THNSL1: variants seen among roughly 807,000 people sequenced by gnomAD.
THNSL1 encodes the protein threonine synthase-like 1.
THNSL1 carries 48 observed loss-of-function variants against 50.4 expected under a neutral mutation model. The observed-to-expected ratio is 0.95, with a 90% CI of 0.76 to 1.21. The LOEUF (loss-of-function observed/expected upper bound fraction) is 1.21, where lower values mean the gene tolerates loss of function less well. Among genes scored for constraint, THNSL1 ranks in the 50% most tolerant of loss-of-function variants. THNSL1 has a pLI of 0.00. For synonymous variants in THNSL1, 309 were observed against 306.1 expected (o/e 1.01, Z -0.10); for missense variants, 896 against 871.7 (o/e 1.03, Z -0.35).
chr10:24,964,178 T>C, the THNSL1 span, among the ~76,000 whole-genome samples: 1 of 152,228 alleles, frequency 6.6e-6, no homozygotes, highest in African/African-American at 2.4e-5. Context: ...ATGTCCATGG[T>C]GGCTGGGGGT....
chr10:24,970,718 A>T, the THNSL1 span, among the ~76,000 whole-genome samples: 106 of 145,016 alleles, frequency 7.3e-4, no homozygotes, highest in Admixed American at 3.9e-3. Flanking sequence ...GTCTCTATTA[A>T]TAAAAAAAAA....
the THNSL1 span, among the ~76,000 whole-genome samples, chr10:24,957,464 A>ATGTT: frequency 0.017 from 2,525 of 150,694 alleles, 35 homozygotes; most frequent in African/African-American, 0.037. Context: ...TTTTGAGTTG[A>ATGTT]TGTTTGTTTG....
chr10:25,006,816 G>A, the THNSL1 span, among the ~76,000 whole-genome samples: 1 of 152,070 alleles, frequency 6.6e-6, no homozygotes, highest in Non-Finnish European at 1.5e-5. Flanking sequence ...TACGAGCTTT[G>A]GTATTAGATT....
At chr10:24,977,352 G>A in the THNSL1 span, among the ~76,000 whole-genome samples, 1 of 152,156 alleles carries the variant, frequency 6.6e-6, no homozygotes, top group Non-Finnish European at 1.5e-5. Flanking sequence ...ACACGAGAAA[G>A]ATGTCTTCTT....
chr10:25,016,996 GCCT>G (rs1850604689), intron 1 of THNSL1, among the ~76,000 whole-genome samples: 1 of 152,300 alleles, frequency 6.6e-6, no homozygotes, highest in East Asian at 1.9e-4. Context: ...GGGGCCCGCG[GCCT>G]CCTCCGCCTG....
At chr10:25,017,630 T>C (rs1344974889) in intron 1 of THNSL1, among the ~76,000 whole-genome samples, 1 of 152,126 alleles carries the variant, frequency 6.6e-6, no homozygotes, top group African/African-American at 2.4e-5. Flanking sequence ...TCTTTTTTTT[T>C]TTTTTGTATA....
chr10:24,978,402 C>T, the THNSL1 span, among the ~76,000 whole-genome samples: 1 of 151,142 alleles, frequency 6.6e-6, no homozygotes, highest in Admixed American at 6.6e-5. Flanking sequence ...TTTTCTTCTC[C>T]CATCCTTCTC....
chr10:24,962,059 C>T, the THNSL1 span, among the ~76,000 whole-genome samples: 1 of 152,090 alleles, frequency 6.6e-6, no homozygotes, highest in Non-Finnish European at 1.5e-5. Flanking sequence ...TAGTGGAATT[C>T]CTGGTCAGTC....
upstream of THNSL1, chr10:25,016,288 C>T: frequency 1.8e-6 from 1 of 560,748 alleles, no homozygotes; most frequent in African/African-American, 2.0e-5. Flanking sequence ...ACTGTTTTTA[C>T]GTGCCTTTGA....
At chr10:24,996,412 ACT>A in the THNSL1 span, among the ~76,000 whole-genome samples, 2 of 150,914 alleles carry the variant, frequency 1.3e-5, no homozygotes, top group Admixed American at 6.6e-5. Flanking sequence ...ACGGAGTGAG[ACT>A]CTGTCTCAAA....
At chr10:24,997,799 C>G in the THNSL1 span, among the ~76,000 whole-genome samples, 2 of 141,060 alleles carry the variant, frequency 1.4e-5, no homozygotes, top group Admixed American at 1.4e-4. Flanking sequence ...TTATTTGACA[C>G]AAAGGATTTA....
At chr10:25,005,101 C>G in the THNSL1 span, among the ~76,000 whole-genome samples, 3 of 152,070 alleles carry the variant, frequency 2.0e-5, no homozygotes, top group African/African-American at 7.2e-5. Context: ...GTTCTCTATT[C>G]TGTTCTATTG....
At chr10:25,015,917 G>GAAGA, upstream of THNSL1, 1 of 1,608,396 alleles carries the variant, frequency 6.2e-7, no homozygotes, top group South Asian at 1.1e-5. Flanking sequence ...AATGCACTCA[G>GAAGA]AAGAGCACGT....
chr10:25,005,945 G>A, the THNSL1 span, among the ~76,000 whole-genome samples: 3 of 152,176 alleles, frequency 2.0e-5, no homozygotes, highest in East Asian at 1.9e-4. Context: ...TGTGGATATT[G>A]AGCACTTGAA....
chr10:24,981,091 G>A, the THNSL1 span, among the ~76,000 whole-genome samples: 1 of 152,102 alleles, frequency 6.6e-6, no homozygotes, highest in African/African-American at 2.4e-5. Context: ...CTGATTATGG[G>A]GATTTATTTA....
the THNSL1 span, among the ~76,000 whole-genome samples, chr10:24,996,232 C>T: frequency 6.6e-6 from 1 of 152,136 alleles, no homozygotes; most frequent in South Asian, 2.1e-4. Flanking sequence ...AGACCAGTCT[C>T]GGCAACACAG....
chr10:24,966,466 T>A, the THNSL1 span, among the ~76,000 whole-genome samples: 1 of 152,210 alleles, frequency 6.6e-6, no homozygotes, highest in African/African-American at 2.4e-5. Flanking sequence ...AAACACCTTT[T>A]CTCTGAGACA....
the THNSL1 span, among the ~76,000 whole-genome samples, chr10:24,957,957 G>A: frequency 6.6e-6 from 1 of 152,158 alleles, no homozygotes; most frequent in Admixed American, 6.5e-5. Context: ...TGCCAGCCTG[G>A]AGGCTTTTGT....
the THNSL1 span, among the ~76,000 whole-genome samples, chr10:24,956,878 C>T: frequency 6.6e-6 from 1 of 152,082 alleles, no homozygotes. Context: ...CAGCCGCATT[C>T]GATTCTCACA....
Sources: allele counts gnomAD v4.1 joint callset (sites outside exome capture counted in the v4.1 genomes callset), GRCh38; gene constraint gnomAD v4.1.1; transcripts MANE v1.5; gene names NCBI Gene and HGNC (gene_info 2026-07-23, HGNC 2026-07-21).